The following PROK1 variants were observed in gnomAD, a reference collection of about 807,000 sequenced individuals.
PROK1 encodes the protein prokineticin-1.
In PROK1, 10 loss-of-function variants were observed where a neutral mutation model predicts 8.8. The ratio of observed to expected loss-of-function variants is 1.13; its 90% CI spans 0.70 to 1.92. The LOEUF (loss-of-function observed/expected upper bound fraction) is 1.92. PROK1 is among the 30% of genes most tolerant of loss of function. PROK1 has a pLI of 0.00. For missense variants in PROK1, 140 were observed against 139.7 expected, an observed-to-expected ratio of 1.00 and a Z score of -0.01; for synonymous variants, 57 against 56.0, an observed-to-expected ratio of 1.02 and a Z score of -0.08.
At position 110,457,212 on chromosome 1, in the gene PROK1, CTT is replaced by C. The variant is rs1163485870; in HGVS notation, c.*863_*864del. The C allele has an allele frequency of 1.3e-5, 2 of 152,614 alleles. No homozygotes were observed. The highest frequency in any genetic ancestry group is 3.4e-3 in the Middle Eastern group (1 of 298). 9.5% of individuals were successfully genotyped at this position (152,614 alleles called of 1,614,324 possible). A position where few individuals can be genotyped will look rare whatever the true frequency, so the allele number is the denominator to read the frequency against. ...ATCAGCCCTGAGAGCAGGTTGGTGA[CTT>C]TGAGGAGGGCAGTCCTCTGTCCAGA... On this transcript the variant is annotated 3_prime_UTR_variant, in exon 3 of 3. Coordinates refer to ENST00000271331, the MANE Select transcript of PROK1 (RefSeq NM_032414.3).
chr1:110,455,851 C>T (rs1664163303), intron 2 of PROK1, among the ~76,000 whole-genome samples: 1 of 152,174 alleles, frequency 6.6e-6, no homozygotes. Flanking sequence ...TGGTGGCTGT[C>T]CTATTCACGG....
Position 110,456,353 on chromosome 1 carries a change from C to T in PROK1, c.*2C>T, listed in dbSNP as rs149653585. 157 of 1,613,852 alleles carry T rather than the reference C, an allele frequency of 9.7e-5. No homozygotes were observed. The highest frequency in any genetic ancestry group is 4.9e-4 in the Middle Eastern group (3 of 6,062). On this transcript the variant is annotated 3_prime_UTR_variant, in exon 3 of 3. Transcript: ENST00000271331. ...GACTTGAAGAACATCAATTTTTAGG[C>T]GCTTGCCTGGTCTCAGGATACCCAC...
chr1:110,451,159 G>A lies in PROK1; in HGVS notation c.-58G>A, dbSNP rs373868477. 3.1e-5 allele frequency: 48 copies of A among 1,540,662 alleles called. 1 individual carries two copies. The highest frequency in any genetic ancestry group is 3.4e-4 in the Middle Eastern group (2 of 5,918). On this transcript the variant is annotated 5_prime_UTR_variant, in exon 1 of 3. Transcript: ENST00000271331. ...CCCAGCTTGCCAGGCACAAGGCTGAGCGGGAGGAAGCGAGAGGCATCTAAG... is the reference window on the plus strand; with the variant it reads ...CCCAGCTTGCCAGGCACAAGGCTGAACGGGAGGAAGCGAGAGGCATCTAAG...
chr1:110,453,243 G>C (rs550451177), intron 1 of PROK1, among the ~76,000 whole-genome samples: 18 of 152,334 alleles, frequency 1.2e-4, no homozygotes, highest in African/African-American at 3.1e-4. Flanking sequence ...TAAGAGTTCT[G>C]TCTTCCCCGG....
chr1:110,455,662 A>G (rs1252548266), intron 2 of PROK1, among the ~76,000 whole-genome samples: 1 of 152,224 alleles, frequency 6.6e-6, no homozygotes, highest in Non-Finnish European at 1.5e-5. Context: ...AAACCATTTT[A>G]CAAATGATAA....
Position 110,456,693 on chromosome 1 carries a change from C to A in PROK1, c.*342C>A, listed in dbSNP as rs1664179610. The A allele has an allele frequency of 1.0e-5, 4 of 383,418 alleles. No homozygotes were observed. The highest frequency in any genetic ancestry group is 6.4e-5 in the South Asian group (3 of 46,806). The allele number at this position is 383,418 out of a possible 1,614,324, so 23.8% of individuals were successfully genotyped here. A position where few individuals can be genotyped will look rare whatever the true frequency, so the allele number is the denominator to read the frequency against. On this transcript the variant is annotated 3_prime_UTR_variant, in exon 3 of 3. Coordinates refer to ENST00000271331, the MANE Select transcript of PROK1 (RefSeq NM_032414.3). ...GCTCTCTTTCCTGGGCCCTGCCCCT[C>A]TCCCCACATGTATCCCTCGGTCTGA...
chr1:110,455,339 G>C (rs986136694), intron 2 of PROK1, among the ~76,000 whole-genome samples: 2 of 152,186 alleles, frequency 1.3e-5, no homozygotes, highest in African/African-American at 4.8e-5. Flanking sequence ...TCGGGGACTT[G>C]CCTGCACCCC....
chr1:110,455,973 T>C (rs1664165655), intron 2 of PROK1, among the ~76,000 whole-genome samples: 1 of 152,204 alleles, frequency 6.6e-6, no homozygotes, highest in Non-Finnish European at 1.5e-5. Flanking sequence ...ACATGTGTGC[T>C]GAGTCTCCAG....
chr1:110,452,470 C>T (rs191712821), intron 1 of PROK1, among the ~76,000 whole-genome samples: 8 of 152,356 alleles, frequency 5.3e-5, no homozygotes, highest in South Asian at 4.1e-4. Context: ...CCGGCTGCTG[C>T]GCGGTGAGGG....
In PROK1 at chr1:110,454,074, C is replaced by T. The variant is rs746949920; in HGVS notation, c.186C>T (p.Pro62=). 1.2e-5 allele frequency: 19 copies of T among 1,613,412 alleles called. No homozygotes were observed. The South Asian group carries it at 1.3e-4, about 11-fold the overall frequency. The change falls in exon 2 of 3, where the codon CCC becomes CCT. Residue 62 remains proline (P), a synonymous_variant. Transcript: ENST00000271331. The part of the protein sequence containing the change: ...PLGREGEECH[P]GSHKVPFFRK... ...GGCGGGAAGGCGAGGAGTGCCACCC[C>T]GGCAGCCACAAGGTACTCTGCAGAC...
rs1367288923 is a variant in PROK1 at position 110,456,122 on chromosome 1, G to C, written c.199-110G>C. 3 of 1,188,046 alleles carry C rather than the reference G, an allele frequency of 2.5e-6. No homozygotes were observed. In the East Asian group the frequency reaches 7.0e-5, roughly 28 times the overall value. The allele number at this position is 1,188,046 out of a possible 1,614,324, so 73.6% of individuals were successfully genotyped here. ...TTGTGCTAGGTGCAGTGGAGAAGTG[G>C]GCTAGGGTGTGGGGGTGAGACTTTT... On this transcript the variant is annotated intron_variant, in intron 2 of 2. Transcript: ENST00000271331.
Position 110,456,845 on chromosome 1 carries a change from G to A in PROK1, c.*494G>A, listed in dbSNP as rs996566705. Reference sequence around the variant, plus strand: ...GTGGGTAGTTCATCTTCCCTCGATTGGTTAACTCCTTAGTTTCAGACCACA... The same window carrying A: ...GTGGGTAGTTCATCTTCCCTCGATTAGTTAACTCCTTAGTTTCAGACCACA... On this transcript the variant is annotated 3_prime_UTR_variant, in exon 3 of 3. Coordinates refer to ENST00000271331, the MANE Select transcript of PROK1 (RefSeq NM_032414.3). The A allele has an allele frequency of 3.3e-5, 7 of 214,510 alleles. No individual in the cohort carries two copies. Among genetic ancestry groups the A allele is most frequent in the Non-Finnish European group, 4.7e-5 (5 of 105,420 alleles). 13.3% of individuals were successfully genotyped at this position (214,510 alleles called of 1,614,324 possible).
chr1:110,452,060 A>G (rs1156244095), intron 1 of PROK1, among the ~76,000 whole-genome samples: 1 of 152,232 alleles, frequency 6.6e-6, no homozygotes, highest in Non-Finnish European at 1.5e-5. Flanking sequence ...TAGCAGGACC[A>G]TTCTTACTGA....
rs1664176813 is a variant in PROK1, at chr1:110,456,544, G to A, written c.*193G>A. 3 of 729,454 alleles carry A rather than the reference G, an allele frequency of 4.1e-6. No individual in the cohort carries two copies. Among genetic ancestry groups the A allele is most frequent in the Admixed American group, 2.1e-5 (1 of 46,770 alleles). The allele number at this position is 729,454 out of a possible 1,614,324, so 45.2% of individuals were successfully genotyped here. On this transcript the variant is annotated 3_prime_UTR_variant, in exon 3 of 3. Coordinates refer to ENST00000271331, the MANE Select transcript of PROK1 (RefSeq NM_032414.3). ...CATGACATGGTCCCCAGGCTGGCCTGAGGATGTCACAGCTTGAGGCTGTGG... is the reference window on the plus strand; with the variant it reads ...CATGACATGGTCCCCAGGCTGGCCTAAGGATGTCACAGCTTGAGGCTGTGG...
In PROK1 at chr1:110,456,773, T is replaced by C; in HGVS notation, c.*422T>C. The C allele has an allele frequency of 3.3e-6, 1 of 307,584 alleles. No homozygotes were observed. The highest frequency in any genetic ancestry group is 6.4e-6 in the Non-Finnish European group (1 of 157,084). 19.1% of individuals were successfully genotyped at this position (307,584 alleles called of 1,614,324 possible). On this transcript the variant is annotated 3_prime_UTR_variant, in exon 3 of 3. Coordinates refer to ENST00000271331, the MANE Select transcript of PROK1 (RefSeq NM_032414.3). Reference sequence around the variant, plus strand: ...GTGCATTGCTCAGAGTCCCAGGTCCTGGCCTGACCCTCAGGCCCTTCACGT... The same window carrying C: ...GTGCATTGCTCAGAGTCCCAGGTCCCGGCCTGACCCTCAGGCCCTTCACGT...
intron 2 of PROK1, 93 bp downstream of exon 2, chr1:110,454,179 G>C (rs867258000): frequency 2.8e-5 from 42 of 1,488,684 alleles, no homozygotes; most frequent in South Asian, 2.7e-4. Flanking sequence ...AGCTAGGAAG[G>C]CTAGAGAGGC....
At chr1:110,451,641 T>G (rs1664090057) in intron 1 of PROK1, among the ~76,000 whole-genome samples, 1 of 152,230 alleles carries the variant, frequency 6.6e-6, no homozygotes, top group Non-Finnish European at 1.5e-5. Flanking sequence ...TTATCTTTTG[T>G]GTGAATTTTA....
intron 2 of PROK1, 27 bp downstream of exon 2, chr1:110,454,113 A>C (rs1392952339): frequency 6.2e-7 from 1 of 1,611,070 alleles, no homozygotes; most frequent in East Asian, 2.2e-5. Context: ...GCATAGGTGC[A>C]CATATGTGGG....
intron 1 of PROK1, among the ~76,000 whole-genome samples, chr1:110,452,012 C>G (rs866957400): frequency 5.9e-5 from 9 of 152,324 alleles, no homozygotes; most frequent in Middle Eastern, 3.4e-3. Flanking sequence ...GCTTTTACCT[C>G]AAACCACCTT....
Sources: gnomAD v4.1 joint callset for allele counts (sites outside exome capture counted in the v4.1 genomes callset) on GRCh38, gnomAD v4.1.1 for gene constraint, MANE v1.5 for transcripts, NCBI Gene and HGNC (gene_info 2026-07-23, HGNC 2026-07-21) for gene names.